The following ADRA1B variants were observed in gnomAD, a reference collection of about 807,000 sequenced individuals.
ADRA1B encodes the protein alpha-1B adrenergic receptor.
ADRA1B carries 17 observed loss-of-function variants against 17.9 expected under a neutral mutation model. The ratio of observed to expected loss-of-function variants is 0.95; its 90% CI spans 0.65 to 1.42. The LOEUF (loss-of-function observed/expected upper bound fraction) is 1.42. Ranked by LOEUF, ADRA1B falls within the 40% of genes most tolerant of loss-of-function variation. The probability of loss-of-function intolerance (pLI) is 0.00; values close to 1 mark genes in which losing one functional copy is unlikely to be tolerated. For missense variants in ADRA1B, 681 were observed against 722.1 expected (o/e 0.94, Z 0.65); for synonymous variants, 366 against 327.6 (o/e 1.12, Z -1.27).
At chr5:159,909,678 C>T (rs548183683) in intron 1 of ADRA1B, among the ~76,000 whole-genome samples, 2 of 152,200 alleles carry the variant, frequency 1.3e-5, no homozygotes, top group African/African-American at 2.4e-5. Context: ...CAAGGAAGGC[C>T]GGCATCAATT....
intron 1 of ADRA1B, among the ~76,000 whole-genome samples, chr5:159,882,873 GGAGA>G (rs1189759763): frequency 6.6e-6 from 1 of 152,008 alleles, no homozygotes; most frequent in African/African-American, 2.4e-5. Flanking sequence ...AGAGAGAGAG[GGAGA>G]GAGAGAGAAT....
At chr5:159,925,706 C>T (rs1365360575) in intron 1 of ADRA1B, among the ~76,000 whole-genome samples, 8 of 152,216 alleles carry the variant, frequency 5.3e-5, no homozygotes, top group Non-Finnish European at 1.2e-4. Context: ...CTGTAAACCA[C>T]ATACGTATAT....
At chr5:159,895,438 T>C (rs934802202) in intron 1 of ADRA1B, among the ~76,000 whole-genome samples, 3 of 152,164 alleles carry the variant, frequency 2.0e-5, no homozygotes, top group African/African-American at 7.2e-5. Flanking sequence ...TGCTACCTTC[T>C]TAGAAAACAG....
At chr5:159,868,596 G>A (rs2113064354) in intron 1 of ADRA1B, 1 of 152,322 alleles carries the variant, frequency 6.6e-6, no homozygotes, top group South Asian at 2.1e-4. Context: ...CGATTTGGTG[G>A]ATAGAAGTCT....
chr5:159,923,862 A>G (rs1365531695), intron 1 of ADRA1B, among the ~76,000 whole-genome samples: 2 of 152,272 alleles, frequency 1.3e-5, no homozygotes, highest in South Asian at 2.1e-4. Context: ...AGCCAGCACC[A>G]CACAAGTCCT....
intron 1 of ADRA1B, among the ~76,000 whole-genome samples, chr5:159,896,961 A>G (rs1264065256): frequency 6.6e-5 from 10 of 152,236 alleles, no homozygotes; most frequent in Admixed American, 4.6e-4. Flanking sequence ...AATTATTCAT[A>G]TAATATGAGA....
At chr5:159,909,039 T>C (rs1409963228) in intron 1 of ADRA1B, among the ~76,000 whole-genome samples, 2 of 152,188 alleles carry the variant, frequency 1.3e-5, no homozygotes, top group Non-Finnish European at 2.9e-5. Context: ...CCCTCATCTT[T>C]TCAGGACTCC....
chr5:159,972,344 C>G lies in ADRA1B; in HGVS notation c.1415C>G (p.Pro472Arg). The G allele has an allele frequency of 6.7e-7, 1 of 1,486,284 alleles. No individual in the cohort carries two copies. Among genetic ancestry groups the G allele is most frequent in the Non-Finnish European group, 8.9e-7 (1 of 1,124,996 alleles). 92.1% of individuals were successfully genotyped at this position (1,486,284 alleles called of 1,614,324 possible). ...PGRRGRHDSG[P>R]LFTFKLLTEP... ...CGCCGCGGCCGCCACGACTCGGGCC[C>G]GCTCTTCACCTTCAAGCTCCTGACC... The change falls in exon 2 of 2, where the codon CCG becomes CGG. Residue 472 changes from proline (P) to arginine (R), a missense_variant. Coordinates refer to ENST00000306675, the MANE Select transcript of ADRA1B (RefSeq NM_000679.4).
intron 1 of ADRA1B, among the ~76,000 whole-genome samples, chr5:159,907,134 T>C (rs1754170982): frequency 6.6e-6 from 1 of 152,232 alleles, no homozygotes; most frequent in African/African-American, 2.4e-5. Context: ...TCCAAGGACC[T>C]GCCACTCCAC....
At chr5:159,962,061 T>A (rs574269840) in intron 1 of ADRA1B, among the ~76,000 whole-genome samples, 1 of 152,252 alleles carries the variant, frequency 6.6e-6, no homozygotes, top group South Asian at 2.1e-4. Context: ...TAGCCATGCG[T>A]GATGACATGC....
chr5:159,875,941 C>T lies in ADRA1B; in HGVS notation c.-256+10735C>T, dbSNP rs190764529. Reference sequence around the variant, plus strand: ...TGGTGGCTCACGCCCGTAATCCCAACACTTTGGGAGGCTGAGGTGGGCGGA... The same window carrying T: ...TGGTGGCTCACGCCCGTAATCCCAATACTTTGGGAGGCTGAGGTGGGCGGA... On this transcript the variant is annotated intron_variant, in intron 1 of 2. Transcript: ENST00000641205. Among the ~76,000 whole-genome samples, 26 of 152,340 alleles carry T rather than the reference C, an allele frequency of 1.7e-4. No individual in the cohort carries two copies. The East Asian group carries it at 4.4e-3, about 26-fold the overall frequency.
chr5:159,919,141 C>A (rs919455349), intron 1 of ADRA1B, among the ~76,000 whole-genome samples: 5 of 152,220 alleles, frequency 3.3e-5, no homozygotes, highest in East Asian at 1.9e-4. Flanking sequence ...AGCCGTCTAA[C>A]CTTTTCTCCA....
chr5:159,882,397 T>A (rs550920482), intron 1 of ADRA1B, among the ~76,000 whole-genome samples: 2 of 152,308 alleles, frequency 1.3e-5, no homozygotes, highest in African/African-American at 4.8e-5. Context: ...TAGCTTTATA[T>A]GTCGGGTTGT....
chr5:159,945,968 T>C lies in ADRA1B; in HGVS notation c.950-25911T>C, dbSNP rs192072565. On this transcript the variant is annotated intron_variant, in intron 1 of 1. Transcript: ENST00000306675. ...TTCACCATGTTAGCCAGGATGGTCT[T>C]GATCTTCTGACCTCCTGATCCGCCC... is the stretch of plus-strand genomic sequence containing the variant. 5.8e-3 allele frequency among the ~76,000 whole-genome samples: 879 copies of C among 152,236 alleles called. 4 individuals are homozygous for C. The highest frequency in any genetic ancestry group is 9.1e-3 in the Non-Finnish European group (621 of 67,996).
At chr5:159,946,293 C>G (rs1443230145) in intron 1 of ADRA1B, among the ~76,000 whole-genome samples, 1 of 152,226 alleles carries the variant, frequency 6.6e-6, no homozygotes, top group South Asian at 2.1e-4. Context: ...CCACCTCATG[C>G]TGAATGCATA....
chr5:159,908,164 A>G (rs1006883999), intron 1 of ADRA1B, among the ~76,000 whole-genome samples: 2 of 152,150 alleles, frequency 1.3e-5, no homozygotes, highest in African/African-American at 4.8e-5. Context: ...GGAGACAGGC[A>G]CATATTTGTG....
At chr5:159,965,719 C>T (rs546408364) in intron 1 of ADRA1B, among the ~76,000 whole-genome samples, 3 of 152,282 alleles carry the variant, frequency 2.0e-5, no homozygotes, top group South Asian at 2.1e-4. Flanking sequence ...GGCAGCCTGG[C>T]GGTCCAGTCC....
At chr5:159,870,712 T>C (rs1223774143) in intron 1 of ADRA1B, 4 of 152,172 alleles carry the variant, frequency 2.6e-5, no homozygotes, top group Non-Finnish European at 5.9e-5. Flanking sequence ...CTAAGCAAAG[T>C]GAACGCAAAG....
chr5:159,917,829 A>G lies in ADRA1B; in HGVS notation c.924A>G (p.Leu308=). The part of the protein sequence containing the change: ...IVVGMFILCW[L]PFFIALPLGS... ...TCGGTATGTTCATCTTGTGCTGGCT[A>G]CCCTTCTTCATCGCTCTACCGCTTG... The change falls in exon 1 of 2, where the codon CTA becomes CTG. Residue 308 remains leucine, a synonymous_variant. Coordinates refer to ENST00000306675, the MANE Select transcript of ADRA1B (RefSeq NM_000679.4). The G allele has an allele frequency of 6.2e-7, 1 of 1,610,098 alleles. No individual in the cohort carries two copies. The highest frequency in any genetic ancestry group is 8.5e-7 in the Non-Finnish European group (1 of 1,178,686).
Sources: gnomAD v4.1 joint callset for allele counts (sites outside exome capture counted in the v4.1 genomes callset) on GRCh38, gnomAD v4.1.1 for gene constraint, MANE v1.5 for transcripts, NCBI Gene and HGNC (gene_info 2026-07-23, HGNC 2026-07-21) for gene names.